NCOA1: variants seen among roughly 807,000 people sequenced by gnomAD.
NCOA1 encodes nuclear receptor coactivator 1.
NCOA1 carries 35 observed loss-of-function variants against 150.9 expected under a neutral mutation model. The ratio of observed to expected loss-of-function variants is 0.23; its 90% CI spans 0.18 to 0.31. NCOA1 has a LOEUF of 0.31. Among genes scored for constraint, NCOA1 ranks in the 10% least tolerant of loss-of-function variants. The pLI, the probability that NCOA1 is intolerant of heterozygous loss-of-function variation, is 1.00. For synonymous variants in NCOA1, 590 were observed against 630.0 expected, an observed-to-expected ratio of 0.94 and a Z score of 0.95; for missense variants, 1,491 against 1,749.3, an observed-to-expected ratio of 0.85 and a Z score of 2.63.
chr2:24,563,831 A>G (rs954266574), intron 1 of NCOA1, among the ~76,000 whole-genome samples: 4 of 152,184 alleles, frequency 2.6e-5, no homozygotes, highest in Admixed American at 6.5e-5. Context: ...AGTAAAATCT[A>G]ATTTGTAATA....
intron 2 of NCOA1, among the ~76,000 whole-genome samples, chr2:24,571,405 T>G (rs1666739558): frequency 6.6e-6 from 1 of 152,200 alleles, no homozygotes; most frequent in Non-Finnish European, 1.5e-5. Flanking sequence ...AGGGACAGTT[T>G]TACTGTATAG....
chr2:24,606,327 C>T (rs1273868981), intron 3 of NCOA1, among the ~76,000 whole-genome samples: 1 of 152,090 alleles, frequency 6.6e-6, no homozygotes, highest in African/African-American at 2.4e-5. Context: ...ACCTCCACCT[C>T]TTGGGTTTGA....
chr2:24,579,361 G>C (rs1466239456), intron 2 of NCOA1, among the ~76,000 whole-genome samples: 2 of 152,222 alleles, frequency 1.3e-5, no homozygotes, highest in African/African-American at 4.8e-5. Flanking sequence ...GAGTGGACTT[G>C]TAGCTAACGA....
At chr2:24,667,481 G>C (rs1186526590) in intron 6 of NCOA1, among the ~76,000 whole-genome samples, 2 of 152,004 alleles carry the variant, frequency 1.3e-5, no homozygotes, top group African/African-American at 4.8e-5. Context: ...AGCAAACCAA[G>C]CAAACAAACA....
intron 4 of NCOA1, among the ~76,000 whole-genome samples, chr2:24,652,553 C>G (rs1042998464): frequency 9.9e-5 from 15 of 152,008 alleles, no homozygotes; most frequent in African/African-American, 3.1e-4. Flanking sequence ...TAAAATTATG[C>G]AGTTCTCAGC....
chr2:24,516,778 C>T (rs1164915725), intron 1 of NCOA1, among the ~76,000 whole-genome samples: 3 of 147,844 alleles, frequency 2.0e-5, no homozygotes, highest in African/African-American at 7.4e-5. Context: ...GTGAAGTTGC[C>T]TCTCTGGCCT....
intron 3 of NCOA1, among the ~76,000 whole-genome samples, chr2:24,637,283 C>T (rs1396573296): frequency 2.2e-5 from 3 of 138,304 alleles, no homozygotes; most frequent in Non-Finnish European, 4.6e-5. Flanking sequence ...CTTCCTGTGT[C>T]CACGTGTCAG....
chr2:24,698,368 A>T (rs1672998905), intron 11 of NCOA1, among the ~76,000 whole-genome samples: 1 of 151,922 alleles, frequency 6.6e-6, no homozygotes, highest in African/African-American at 2.4e-5. Flanking sequence ...TTACTTCATG[A>T]CTGTTGCAGA....
At chr2:24,670,187 G>T (rs972482456) in intron 6 of NCOA1, among the ~76,000 whole-genome samples, 5 of 152,112 alleles carry the variant, frequency 3.3e-5, no homozygotes, top group African/African-American at 4.8e-5. Context: ...GAAATTGAAA[G>T]CCACACATAC....
At chr2:24,526,868 A>G (rs1664675712) in intron 1 of NCOA1, among the ~76,000 whole-genome samples, 1 of 152,236 alleles carries the variant, frequency 6.6e-6, no homozygotes, top group South Asian at 2.1e-4. Context: ...AAAATTTAGT[A>G]ATACAACAAG....
intron 3 of NCOA1, among the ~76,000 whole-genome samples, chr2:24,591,313 G>A: frequency 6.6e-6 from 1 of 152,184 alleles, no homozygotes; most frequent in Non-Finnish European, 1.5e-5. Flanking sequence ...ATATATGGTT[G>A]TAGTTAAGAA....
intron 1 of NCOA1, among the ~76,000 whole-genome samples, chr2:24,505,929 A>G (rs1474614620): frequency 1.3e-4 from 20 of 152,148 alleles, no homozygotes; most frequent in Non-Finnish European, 2.9e-5. Flanking sequence ...AGGCCAACAT[A>G]CAGAGTAAAG....
At chr2:24,492,897 G>A (rs1323881560) in intron 1 of NCOA1, among the ~76,000 whole-genome samples, 1 of 151,322 alleles carries the variant, frequency 6.6e-6, no homozygotes, top group African/African-American at 2.4e-5. Flanking sequence ...ACAGTTGAGG[G>A]ATGGATCTCA....
At chr2:24,570,143 A>G (rs879794102) in intron 2 of NCOA1, among the ~76,000 whole-genome samples, 3 of 151,346 alleles carry the variant, frequency 2.0e-5, no homozygotes, top group East Asian at 1.9e-4. Context: ...TCCACGTTCA[A>G]TCATAATATC....
intron 3 of NCOA1, among the ~76,000 whole-genome samples, chr2:24,642,033 T>C (rs1389544403): frequency 2.1e-5 from 3 of 140,670 alleles, no homozygotes; most frequent in African/African-American, 7.9e-5. Context: ...TGTGTGTGTG[T>C]GTGTGCGCGC....
chr2:24,608,791 C>A (rs1402797182), intron 3 of NCOA1, among the ~76,000 whole-genome samples: 1 of 137,922 alleles, frequency 7.3e-6, no homozygotes, highest in Admixed American at 7.8e-5. Flanking sequence ...ATTGTCATGT[C>A]TTCCCAGTCT....
intron 3 of NCOA1, among the ~76,000 whole-genome samples, chr2:24,638,124 C>T (rs1670021620): frequency 1.3e-5 from 2 of 151,710 alleles, no homozygotes; most frequent in Admixed American, 1.3e-4. Flanking sequence ...CCCTCTTCCC[C>T]CTACCCTTCC....
chr2:24,537,820 A>G (rs1025921001), intron 1 of NCOA1, among the ~76,000 whole-genome samples: 2 of 152,156 alleles, frequency 1.3e-5, no homozygotes, highest in East Asian at 1.9e-4. Flanking sequence ...TATATATCTC[A>G]TAATGTTATG....
intron 3 of NCOA1, among the ~76,000 whole-genome samples, chr2:24,608,246 CTATTATTATTATTATTAT>C (rs202179395): frequency 0.015 from 1,974 of 131,858 alleles, 49 homozygotes; most frequent in African/African-American, 0.051. Flanking sequence ...CCCAGTTCCC[CTATTATTATTATTATTAT>C]TATTATTATT....
Sources: gnomAD v4.1 joint callset for allele counts (sites outside exome capture counted in the v4.1 genomes callset) on GRCh38, gnomAD v4.1.1 for gene constraint, MANE v1.5 for transcripts, NCBI Gene and HGNC (gene_info 2026-07-23, HGNC 2026-07-21) for gene names.